PNLIP: variants seen among roughly 807,000 people sequenced by gnomAD.
The protein encoded by PNLIP is pancreatic lipase, also known as pancreatic triacylglycerol lipase.
In PNLIP, 49 loss-of-function variants were observed where a neutral mutation model predicts 57.1. That is an observed-to-expected ratio of 0.86 (90% CI 0.68 to 1.09). The LOEUF is 1.09. PNLIP is among the 50% of genes least tolerant of loss of function. The probability of loss-of-function intolerance (pLI) is 0.00; values close to 1 mark genes in which losing one functional copy is unlikely to be tolerated. For missense variants in PNLIP, 503 were observed against 570.2 expected (o/e 0.88, Z 1.20); for synonymous variants, 209 against 200.4 (o/e 1.04, Z -0.36).
At chr10:116,565,444 T>G (rs1259261647) in intron 12 of PNLIP, among the ~76,000 whole-genome samples, 1 of 151,392 alleles carries the variant, frequency 6.6e-6, no homozygotes. Flanking sequence ...AATTGTATTC[T>G]GGCTATATAA....
chr10:116,558,528 G>C (rs577592163), intron 9 of PNLIP, among the ~76,000 whole-genome samples: 15 of 151,682 alleles, frequency 9.9e-5, no homozygotes, highest in Admixed American at 9.8e-4. Flanking sequence ...AATTCTAGCT[G>C]TAAGTAGATG....
intron 9 of PNLIP, among the ~76,000 whole-genome samples, chr10:116,557,124 T>C (rs532934542): frequency 6.6e-6 from 1 of 152,338 alleles, no homozygotes; most frequent in East Asian, 1.9e-4. Context: ...ACAGCTTCCA[T>C]ATGCAGTGAG....
At chr10:116,562,912 A>G (rs1488106774) in intron 12 of PNLIP, among the ~76,000 whole-genome samples, 3 of 152,214 alleles carry the variant, frequency 2.0e-5, no homozygotes, top group Non-Finnish European at 4.4e-5. Flanking sequence ...ACTGCATTGC[A>G]GAACAAAAAG....
In PNLIP at chr10:116,551,239, A is replaced by G. The variant is rs973454632; in HGVS notation, c.459+7A>G. 1.9e-6 allele frequency: 3 copies of G among 1,593,762 alleles called. No individual in the cohort carries two copies. Among genetic ancestry groups the G allele is most frequent in the African/African-American group, 2.8e-5 (2 of 72,588 alleles). Reference sequence around the variant, plus strand: ...TTTTGTTGAATTTCTTCAGGTAATTACTCCCGGATTGCATAAAAGCCTGTA... The same window carrying G: ...TTTTGTTGAATTTCTTCAGGTAATTGCTCCCGGATTGCATAAAAGCCTGTA... On this transcript the variant is annotated splice_region_variant and intron_variant, in intron 5 of 12. Transcript: ENST00000369221.
chr10:116,548,789 A>G (rs1847157957), intron 4 of PNLIP, among the ~76,000 whole-genome samples: 1 of 152,216 alleles, frequency 6.6e-6, no homozygotes, highest in South Asian at 2.1e-4. Context: ...CCAGCTGGTT[A>G]TAGGCCCCTG....
chr10:116,547,589 G>C (rs1847142694), intron 3 of PNLIP, 141 bp downstream of exon 3: 5 of 648,034 alleles, frequency 7.7e-6, no homozygotes, highest in Admixed American at 3.1e-5. Context: ...AGCCAGGCGT[G>C]GTGGCAGGCG....
intron 9 of PNLIP, 102 bp downstream of exon 9, chr10:116,556,220 T>A: frequency 1.4e-6 from 1 of 702,344 alleles, no homozygotes; most frequent in Non-Finnish European, 2.5e-6. Context: ...TGTTTATACT[T>A]TTGAACTTAT....
chr10:116,553,984 A>G lies in PNLIP; in HGVS notation c.571+146A>G, dbSNP rs991457972. 10 of 525,186 alleles carry G rather than the reference A, an allele frequency of 1.9e-5. No homozygotes were observed. The African/African-American group carries it at 2.0e-4, about 10-fold the overall frequency. 32.5% of individuals were successfully genotyped at this position (525,186 alleles called of 1,614,324 possible). A position where few individuals can be genotyped will look rare whatever the true frequency, so the allele number is the denominator to read the frequency against. On this transcript the variant is annotated intron_variant, in intron 6 of 12. Coordinates refer to ENST00000369221, the MANE Select transcript of PNLIP (RefSeq NM_000936.4). Reference sequence around the variant, plus strand: ...GAAAAAAAGGACGCTACAAACTTAGACTAAATGCAGCCTGTATGTGATTTA... The same window carrying G: ...GAAAAAAAGGACGCTACAAACTTAGGCTAAATGCAGCCTGTATGTGATTTA...
Position 116,548,495 on chromosome 10 carries a change from C to T in PNLIP, c.324+13C>T. ...CAATGTGTGCAAGGTGAGATGTGGT[C>T]ATCTCTCAAGGAAAGATCGTTTCCA... On this transcript the variant is annotated intron_variant, in intron 4 of 12. Coordinates refer to ENST00000369221, the MANE Select transcript of PNLIP (RefSeq NM_000936.4). 6.2e-7 allele frequency: 1 copy of T among 1,611,850 alleles called. No homozygotes were observed. Among genetic ancestry groups the T allele is most frequent in the Non-Finnish European group, 8.5e-7 (1 of 1,178,988 alleles).
intron 5 of PNLIP, among the ~76,000 whole-genome samples, chr10:116,553,488 TTGCCTAGAG>T (rs1365636332): frequency 2.0e-5 from 3 of 152,202 alleles, no homozygotes; most frequent in African/African-American, 7.2e-5. Flanking sequence ...TGTGTTCCAG[TTGCCTAGAG>T]TACACAGAAC....
chr10:116,548,027 TTA>T (rs1474568681), intron 3 of PNLIP, among the ~76,000 whole-genome samples: 6 of 152,094 alleles, frequency 3.9e-5, no homozygotes, highest in African/African-American at 7.2e-5. Context: ...TAATCTCCTA[TTA>T]TATATATGTA....
chr10:116,560,294 C>CACACAT, intron 10 of PNLIP, 122 bp from the exon 11 acceptor site: 1 of 591,976 alleles, frequency 1.7e-6, no homozygotes, highest in African/African-American at 1.9e-5. Context: ...CACACACACA[C>CACACAT]ACACACACAC....
intron 12 of PNLIP, among the ~76,000 whole-genome samples, chr10:116,567,329 C>G (rs1305939775): frequency 1.3e-5 from 2 of 151,914 alleles, no homozygotes; most frequent in African/African-American, 4.8e-5. Context: ...TTTGTCATTT[C>G]AGTTCAAATA....
At chr10:116,563,507 ACTGCACCATATATGTTGTCTTTTATCC>A (rs1319885692) in intron 12 of PNLIP, among the ~76,000 whole-genome samples, 1 of 152,140 alleles carries the variant, frequency 6.6e-6, no homozygotes, top group African/African-American at 2.4e-5. Flanking sequence ...AGCAGTATAC[ACTGCACCATATATGTTGTCTTTTATCC>A]CTCGCCCCTC....
At chr10:116,555,122 C>T in intron 6 of PNLIP, 56 bp from the exon 7 acceptor site, 1 of 1,599,902 alleles carries the variant, frequency 6.3e-7, no homozygotes, top group Non-Finnish European at 8.6e-7. Flanking sequence ...ATATTTTACT[C>T]TTAATACTTG....
At chr10:116,546,635 C>T (rs900609328) in intron 2 of PNLIP, among the ~76,000 whole-genome samples, 2 of 152,174 alleles carry the variant, frequency 1.3e-5, no homozygotes, top group Non-Finnish European at 2.9e-5. Context: ...GTAAACCATC[C>T]AACCCAGCAC....
rs115633054 is a variant in PNLIP at position 116,562,517 on chromosome 10, G to A, written c.1334+881G>A. 2.8e-3 allele frequency among the ~76,000 whole-genome samples: 425 copies of A among 152,222 alleles called. 2 individuals carry two copies. Among genetic ancestry groups the A allele is most frequent in the African/African-American group, 9.7e-3 (403 of 41,530 alleles). ...AGGAGAAACCCAGGCAGAGTTCAGT[G>A]GACTCCTTAAGTTAAAGAATCAGAG... On this transcript the variant is annotated intron_variant, in intron 12 of 12. Coordinates refer to ENST00000369221, the MANE Select transcript of PNLIP (RefSeq NM_000936.4).
chr10:116,554,063 T>C (rs1196139172), intron 6 of PNLIP, among the ~76,000 whole-genome samples: 1 of 152,178 alleles, frequency 6.6e-6, no homozygotes, highest in Non-Finnish European at 1.5e-5. Context: ...CCTTTTCACA[T>C]TTTCTGAATT....
intron 5 of PNLIP, among the ~76,000 whole-genome samples, chr10:116,551,538 T>C (rs570874829): frequency 2.8e-4 from 43 of 152,360 alleles, no homozygotes; most frequent in South Asian, 1.2e-3. Context: ...AACCTTAAGA[T>C]TAATCTAGTT....
Sources: gnomAD v4.1 joint callset for allele counts (sites outside exome capture counted in the v4.1 genomes callset) on GRCh38, gnomAD v4.1.1 for gene constraint, MANE v1.5 for transcripts, NCBI Gene and HGNC (gene_info 2026-07-23, HGNC 2026-07-21) for gene names.